ATP8B4: variants seen among roughly 807,000 people sequenced by gnomAD.
The protein encoded by ATP8B4 is probable phospholipid-transporting ATPase IM.
Under a neutral mutation model 145.6 loss-of-function variants are expected in ATP8B4, and 133 were observed. That is an observed-to-expected ratio of 0.91 (90% CI 0.79 to 1.05). The LOEUF (loss-of-function observed/expected upper bound fraction) is 1.05, where lower values mean the gene tolerates loss of function less well. ATP8B4 is among the 50% of genes least tolerant of loss of function. The probability of loss-of-function intolerance (pLI) is 0.00; values close to 1 mark genes in which losing one functional copy is unlikely to be tolerated. For missense variants in ATP8B4, 1,458 were observed against 1,425.2 expected, an observed-to-expected ratio of 1.02 and a Z score of -0.37; for synonymous variants, 507 against 492.9, an observed-to-expected ratio of 1.03 and a Z score of -0.38.
rs2031128372 is a variant in ATP8B4 at position 49,858,770 on chromosome 15, T to A, written c.*1424A>T. 1 of 152,256 alleles carries A rather than the reference T, an allele frequency of 6.6e-6. No homozygotes were observed. The highest frequency in any genetic ancestry group is 2.4e-5 in the African/African-American group (1 of 41,470). The allele number at this position is 152,256 out of a possible 1,614,324, so 9.4% of individuals were successfully genotyped here. A position where few individuals can be genotyped will look rare whatever the true frequency, so the allele number is the denominator to read the frequency against. ...TTATATCTTTCTGGCAATTTCATTT[T>A]ATCAAAGCCTTCCTCACTGACTATT... On this transcript the variant is annotated 3_prime_UTR_variant, in exon 28 of 28. Coordinates refer to ENST00000284509, the MANE Select transcript of ATP8B4 (RefSeq NM_024837.4).
chr15:49,908,042 T>C (rs1175115937), intron 20 of ATP8B4: 1 of 455,952 alleles, frequency 2.2e-6, no homozygotes. Context: ...GCAAGTTACT[T>C]ACCCTCTATA....
At chr15:50,085,877 TTATA>T (rs1315689608) in intron 2 of ATP8B4, among the ~76,000 whole-genome samples, 1 of 34,720 alleles carries the variant, frequency 2.9e-5, no homozygotes, top group East Asian at 1.0e-3. Context: ...TCATATATAT[TTATA>T]TATTTATATA....
intron 24 of ATP8B4, 139 bp downstream of exon 24, chr15:49,879,237 T>C: frequency 1.4e-6 from 1 of 710,242 alleles, no homozygotes; most frequent in East Asian, 2.7e-5. Context: ...CCTGGAAGCA[T>C]GTGTGATCCA....
chr15:49,892,671 T>C (rs1376764454), intron 23 of ATP8B4, among the ~76,000 whole-genome samples: 2 of 152,254 alleles, frequency 1.3e-5, no homozygotes, highest in Admixed American at 6.5e-5. Context: ...CAGGACATTA[T>C]ATGTGTTGCT....
intron 1 of ATP8B4, among the ~76,000 whole-genome samples, chr15:50,146,014 C>CTTTT (rs10624735): frequency 0.03 from 4,064 of 133,380 alleles, 190 homozygotes; most frequent in South Asian, 0.076. Flanking sequence ...TAAATGTTTA[C>CTTTT]TTTTTTTTTT....
chr15:50,089,264 A>G (rs910975417), intron 2 of ATP8B4, among the ~76,000 whole-genome samples: 1 of 152,164 alleles, frequency 6.6e-6, no homozygotes, highest in Admixed American at 6.6e-5. Context: ...CAACAAAAGT[A>G]AAAGTTGACA....
intron 8 of ATP8B4, among the ~76,000 whole-genome samples, chr15:49,997,511 T>C (rs2047524551): frequency 6.6e-6 from 1 of 152,140 alleles, no homozygotes; most frequent in Non-Finnish European, 1.5e-5. Flanking sequence ...TGGAAATGTT[T>C]AGTGGTACTT....
At chr15:50,061,197 A>AG (rs386382950) in intron 3 of ATP8B4, among the ~76,000 whole-genome samples, 11 of 151,990 alleles carry the variant, frequency 7.2e-5, no homozygotes, top group Non-Finnish European at 1.6e-4. Context: ...GGATAAAAAA[A>AG]AAATCAGTGA....
At chr15:50,076,661 T>G (rs1035479534) in intron 2 of ATP8B4, among the ~76,000 whole-genome samples, 1 of 152,170 alleles carries the variant, frequency 6.6e-6, no homozygotes, top group Admixed American at 6.5e-5. Context: ...CCCCAAAACC[T>G]GATTAGAGCC....
Position 49,918,864 on chromosome 15 carries a change from G to T in ATP8B4, c.2010C>A (p.Ile670=). The T allele has an allele frequency of 6.2e-7, 1 of 1,612,468 alleles. No individual in the cohort carries two copies. Among genetic ancestry groups the T allele is most frequent in the Non-Finnish European group, 8.5e-7 (1 of 1,178,744 alleles). ...CTTGTTTGTCTCCTGTTAGGACCCAGATCTTAATATTGGCTAGTGATAAAC... is the reference window on the plus strand; with the variant it reads ...CTTGTTTGTCTCCTGTTAGGACCCATATCTTAATATTGGCTAGTGATAAAC... ...VTSLSLANIK[I]WVLTGDKQET... is the part of the protein sequence containing the mutation. The change falls in exon 19 of 28, where the codon ATC becomes ATA. Residue 670 remains isoleucine, a synonymous_variant. Coordinates refer to ENST00000284509, the MANE Select transcript of ATP8B4 (RefSeq NM_024837.4).
intron 6 of ATP8B4, among the ~76,000 whole-genome samples, chr15:50,028,518 C>G (rs1288492032): frequency 6.6e-6 from 1 of 152,130 alleles, no homozygotes; most frequent in Non-Finnish European, 1.5e-5. Flanking sequence ...CTTTTGAGAG[C>G]TGCACATTCC....
chr15:49,962,719 ATCT>A (rs772388437), intron 13 of ATP8B4, among the ~76,000 whole-genome samples: 44 of 152,238 alleles, frequency 2.9e-4, no homozygotes, highest in Non-Finnish European at 4.9e-4. Flanking sequence ...ATTGTTCATA[ATCT>A]TCTTGTTTTT....
rs1207168826 is a variant in ATP8B4, at chr15:49,859,239, A to G, written c.*955T>C. On this transcript the variant is annotated 3_prime_UTR_variant, in exon 28 of 28. Transcript: ENST00000284509. ...AAACAATCTAAACCTGAGTTTTTAA[A>G]TAGTAATTAAAACAATTATTTATTA... is the stretch of plus-strand genomic sequence containing the variant. The G allele has an allele frequency of 5.3e-5, 8 of 152,354 alleles. No homozygotes were observed. The East Asian group carries it at 1.5e-3, about 29-fold the overall frequency. The allele number at this position is 152,354 out of a possible 1,614,324, so 9.4% of individuals were successfully genotyped here.
At chr15:50,085,970 T>TTA (rs1567331476) in intron 2 of ATP8B4, among the ~76,000 whole-genome samples, 1 of 89,248 alleles carries the variant, frequency 1.1e-5, no homozygotes, top group Non-Finnish European at 1.8e-5. Context: ...TATTTATATA[T>TTA]GATATATCAA....
intron 3 of ATP8B4, among the ~76,000 whole-genome samples, chr15:50,053,329 C>T (rs1374972092): frequency 6.6e-6 from 1 of 152,210 alleles, no homozygotes; most frequent in East Asian, 1.9e-4. Flanking sequence ...TAGCAATAGA[C>T]ATTCTGCTCC....
In ATP8B4 at chr15:50,136,297, G is replaced by T. The variant is rs1266514535; in HGVS notation, c.-42-29289C>A. On this transcript the variant is annotated intron_variant, in intron 1 of 3. Transcript: ENST00000558829. ...AAAGTTCACAGCCTTCTGTGAAGTT[G>T]CTATCTGGGCATGTTTATCATGGCA... Among the ~76,000 whole-genome samples the T allele has an allele frequency of 2.0e-5, 3 of 152,138 alleles. No homozygotes were observed. The East Asian group carries it at 5.8e-4, about 29-fold the overall frequency.
At chr15:49,951,850 T>A (rs563204341) in intron 14 of ATP8B4, among the ~76,000 whole-genome samples, 1 of 152,336 alleles carries the variant, frequency 6.6e-6, no homozygotes, top group South Asian at 2.1e-4. Flanking sequence ...CTTTCCATAT[T>A]CAGTGTTTCT....
intron 20 of ATP8B4, among the ~76,000 whole-genome samples, chr15:49,914,526 A>G (rs1281200071): frequency 6.6e-6 from 1 of 152,176 alleles, no homozygotes; most frequent in Non-Finnish European, 1.5e-5. Context: ...AACAATCAAC[A>G]GACTGAAGAG....
intron 21 of ATP8B4, among the ~76,000 whole-genome samples, chr15:49,900,064 G>T (rs2037849459): frequency 6.6e-6 from 1 of 152,118 alleles, no homozygotes; most frequent in South Asian, 2.1e-4. Context: ...ATTCAGCTTG[G>T]GGGCCACCAG....
Sources: allele counts gnomAD v4.1 joint callset (sites outside exome capture counted in the v4.1 genomes callset), GRCh38; gene constraint gnomAD v4.1.1; transcripts MANE v1.5; gene names NCBI Gene and HGNC (gene_info 2026-07-23, HGNC 2026-07-21).